Variants in SULF2 observed in about 807,000 individuals in gnomAD.
The protein encoded by SULF2 is sulfatase 2.
Under a neutral mutation model 107.7 loss-of-function variants are expected in SULF2, and 52 were observed. The ratio of observed to expected loss-of-function variants is 0.48; its 90% confidence interval spans 0.39 to 0.61. SULF2 has a LOEUF of 0.61. SULF2 is among the 20% of genes least tolerant of loss of function. The pLI, the probability that SULF2 is intolerant of heterozygous loss-of-function variation, is 0.00. For synonymous variants in SULF2, 460 were observed against 464.3 expected (o/e 0.99, Z 0.12); for missense variants, 993 against 1,177.3 (o/e 0.84, Z 2.29).
At chr20:47,695,356 A>T (rs1162828001) in intron 4 of SULF2, among the ~76,000 whole-genome samples, 4 of 152,206 alleles carry the variant, frequency 2.6e-5, no homozygotes, top group Non-Finnish European at 4.4e-5. Context: ...TGTTAACTCT[A>T]AGCACCATGT....
At chr20:47,731,187 C>CTTTTTTTTTTTTTTTTTTTTTTTTT (rs71183273) in intron 3 of SULF2, among the ~76,000 whole-genome samples, 3 of 81,170 alleles carry the variant, frequency 3.7e-5, no homozygotes, top group African/African-American at 1.2e-4. Context: ...TGTATCTTCT[C>CTTTTTTTTTTTTTTTTTTTTTTTTT]TTTTTTTTTT....
intron 7 of SULF2, among the ~76,000 whole-genome samples, chr20:47,681,214 T>G (rs985131842): frequency 1.3e-5 from 2 of 152,198 alleles, no homozygotes; most frequent in African/African-American, 4.8e-5. Context: ...CAGCCATGCC[T>G]GAGGCTGGAG....
intron 7 of SULF2, among the ~76,000 whole-genome samples, chr20:47,679,274 C>T (rs555518987): frequency 7.9e-5 from 12 of 152,210 alleles, no homozygotes; most frequent in Admixed American, 7.8e-4. Flanking sequence ...AGATCAGGGG[C>T]CACCGTCCCT....
intron 1 of SULF2, among the ~76,000 whole-genome samples, chr20:47,776,839 C>T (rs917014503): frequency 6.6e-6 from 1 of 152,228 alleles, no homozygotes; most frequent in African/African-American, 2.4e-5. Context: ...AACCAATCCT[C>T]CCAGCCACCT....
intron 4 of SULF2, among the ~76,000 whole-genome samples, chr20:47,700,637 C>CTTTTTTTTTTTTTTTTTTTT (rs59966689): frequency 3.2e-5 from 4 of 126,208 alleles, no homozygotes; most frequent in African/African-American, 3.0e-5. Context: ...GGTGCAACAT[C>CTTTTTTTTTTTTTTTTTTTT]TTTTTTTTTT....
At chr20:47,745,382 GAAAAAAAAAAAAAAAAAAAAAA>G (rs1158560282) in intron 2 of SULF2, among the ~76,000 whole-genome samples, 13 of 52,062 alleles carry the variant, frequency 2.5e-4, no homozygotes, top group East Asian at 2.1e-3. Context: ...AGTTTTGAGG[GAAAAAAAAAAAAAAAAAAAAAA>G]AAAAAAATAT....
intron 5 of SULF2, chr20:47,685,269 AG>A (rs1366829388): frequency 6.6e-6 from 1 of 152,378 alleles, no homozygotes; most frequent in East Asian, 1.9e-4. Flanking sequence ...TCTGTCGCTC[AG>A]GCTGGAGTGC....
chr20:47,741,264 G>A (rs1169128553), intron 2 of SULF2, among the ~76,000 whole-genome samples: 5 of 104,014 alleles, frequency 4.8e-5, no homozygotes, highest in African/African-American at 1.5e-4. Context: ...CCCCCTCTCC[G>A]CCCACTCTCT....
At chr20:47,696,164 C>T (rs2088368664) in intron 4 of SULF2, among the ~76,000 whole-genome samples, 1 of 152,200 alleles carries the variant, frequency 6.6e-6, no homozygotes. Flanking sequence ...CTTAGCCTCT[C>T]TGGGCCTCAG....
At chr20:47,720,314 T>C (rs540321320) in intron 3 of SULF2, among the ~76,000 whole-genome samples, 3 of 152,160 alleles carry the variant, frequency 2.0e-5, no homozygotes, top group Non-Finnish European at 4.4e-5. Context: ...TGGAGTGCAG[T>C]GACATGATCT....
intron 10 of SULF2, among the ~76,000 whole-genome samples, chr20:47,673,476 G>T (rs1328474220): frequency 6.6e-6 from 1 of 152,166 alleles, no homozygotes; most frequent in Non-Finnish European, 1.5e-5. Context: ...AAAGTGTGGA[G>T]TCTGGTGCCA....
chr20:47,717,841 T>G, intron 3 of SULF2, among the ~76,000 whole-genome samples: 1 of 142,024 alleles, frequency 7.0e-6, no homozygotes, highest in African/African-American at 2.6e-5. Flanking sequence ...TGAGATGGAG[T>G]CTCGCTCTGT....
chr20:47,763,795 C>T (rs986799662), intron 1 of SULF2, among the ~76,000 whole-genome samples: 5 of 152,336 alleles, frequency 3.3e-5, no homozygotes, highest in Middle Eastern at 6.8e-3. Flanking sequence ...TAACTGGTTT[C>T]CCTGCTTCTA....
At chr20:47,681,734 C>T (rs886408265) in intron 7 of SULF2, among the ~76,000 whole-genome samples, 7 of 152,180 alleles carry the variant, frequency 4.6e-5, no homozygotes, top group African/African-American at 7.2e-5. Context: ...GTCGCCCAGA[C>T]GAGTGCAGTG....
intron 2 of SULF2, among the ~76,000 whole-genome samples, chr20:47,753,347 C>A (rs2090204939): frequency 6.6e-6 from 1 of 152,134 alleles, no homozygotes; most frequent in African/African-American, 2.4e-5. Flanking sequence ...AAGTGGGACC[C>A]CCACATCAAA....
At chr20:47,731,800 T>C (rs1404451509) in intron 3 of SULF2, among the ~76,000 whole-genome samples, 2 of 152,254 alleles carry the variant, frequency 1.3e-5, no homozygotes, top group African/African-American at 4.8e-5. Context: ...CTGGCGCATA[T>C]GATTTCCTGT....
At chr20:47,727,329 G>A (rs1295796085) in intron 3 of SULF2, among the ~76,000 whole-genome samples, 1 of 152,120 alleles carries the variant, frequency 6.6e-6, no homozygotes. Flanking sequence ...TGAAGATGAA[G>A]GCAGAGGCTG....
intron 2 of SULF2, among the ~76,000 whole-genome samples, chr20:47,754,085 C>T (rs1319398358): frequency 2.0e-5 from 3 of 152,238 alleles, no homozygotes; most frequent in Non-Finnish European, 2.9e-5. Flanking sequence ...GAGTCAAATG[C>T]GTGCAGGGAA....
intron 1 of SULF2, among the ~76,000 whole-genome samples, chr20:47,759,142 G>A (rs1343208327): frequency 6.6e-6 from 1 of 152,184 alleles, no homozygotes; most frequent in African/African-American, 2.4e-5. Context: ...GGGGGTGCTC[G>A]CTCCCAGGCT....
Sources: allele counts gnomAD v4.1 joint callset (sites outside exome capture counted in the v4.1 genomes callset), GRCh38; gene constraint gnomAD v4.1.1; transcripts MANE v1.5; gene names NCBI Gene and HGNC (gene_info 2026-07-23, HGNC 2026-07-21).